Variants in NAV3 observed in about 807,000 individuals in gnomAD.
The protein encoded by NAV3 is pore membrane and/or filament interacting like protein 1.
A neutral mutation model predicts 244.7 loss-of-function variants in NAV3; 87 were observed. The ratio of observed to expected loss-of-function variants is 0.36; its 90% confidence interval spans 0.30 to 0.42. The LOEUF is 0.42. NAV3 is among the 20% of genes least tolerant of loss of function. The probability of loss-of-function intolerance (pLI) is 1.00; values close to 1 mark genes in which losing one functional copy is unlikely to be tolerated. For missense variants in NAV3, 2,663 were observed against 2,893.3 expected, an observed-to-expected ratio of 0.92 and a Z score of 1.83; for synonymous variants, 1,126 against 1,042.2, an observed-to-expected ratio of 1.08 and a Z score of -1.55.
intron 2 of NAV3, among the ~76,000 whole-genome samples, chr12:77,694,919 C>T (rs1875224745): frequency 6.6e-6 from 1 of 152,140 alleles, no homozygotes; most frequent in African/African-American, 2.4e-5. Flanking sequence ...TATAGGAACT[C>T]AGGGACACAG....
At chr12:78,008,170 G>C (rs1343654787) in intron 8 of NAV3, among the ~76,000 whole-genome samples, 7 of 151,728 alleles carry the variant, frequency 4.6e-5, no homozygotes, top group Admixed American at 4.6e-4. Context: ...CTAGGTAAAA[G>C]GGGTTACATA....
At chr12:77,963,371 A>G (rs917011950) in intron 3 of NAV3, among the ~76,000 whole-genome samples, 1 of 152,162 alleles carries the variant, frequency 6.6e-6, no homozygotes, top group African/African-American at 2.4e-5. Context: ...GAAAGTGACC[A>G]TATAAATGGC....
chr12:78,004,475 T>C (rs974307882), intron 7 of NAV3, among the ~76,000 whole-genome samples: 4 of 152,226 alleles, frequency 2.6e-5, no homozygotes, highest in African/African-American at 7.2e-5. Flanking sequence ...CCTTTAAATA[T>C]GTGCATTAGA....
intron 18 of NAV3, among the ~76,000 whole-genome samples, chr12:78,131,756 C>A (rs951209891): frequency 6.6e-6 from 1 of 151,984 alleles, no homozygotes; most frequent in African/African-American, 2.4e-5. Context: ...TACATAATAC[C>A]TAGGTTATAT....
At chr12:77,857,910 A>T (rs1878638876) in intron 1 of NAV3, among the ~76,000 whole-genome samples, 1 of 152,028 alleles carries the variant, frequency 6.6e-6, no homozygotes, top group South Asian at 2.1e-4. Context: ...TTTTGTTTGC[A>T]TATTTGTTAC....
intron 12 of NAV3, among the ~76,000 whole-genome samples, chr12:78,084,489 C>T (rs1438532531): frequency 6.6e-6 from 1 of 152,068 alleles, no homozygotes; most frequent in Non-Finnish European, 1.5e-5. Flanking sequence ...CCCATCAGCA[C>T]ACCAACATTT....
intron 3 of NAV3, among the ~76,000 whole-genome samples, chr12:77,961,732 T>C (rs1043045186): frequency 2.7e-5 from 4 of 148,864 alleles, no homozygotes; most frequent in Non-Finnish European, 5.9e-5. Context: ...ATATGTAATA[T>C]ATGATTAAAG....
chr12:77,859,582 A>G (rs1878899585), intron 1 of NAV3, among the ~76,000 whole-genome samples: 1 of 151,114 alleles, frequency 6.6e-6, no homozygotes, highest in East Asian at 2.0e-4. Flanking sequence ...ACTAACCTGC[A>G]CAATGTGCAC....
chr12:78,007,580 C>T, intron 8 of NAV3, 135 bp downstream of exon 8: 2 of 949,382 alleles, frequency 2.1e-6, no homozygotes, highest in Non-Finnish European at 3.0e-6. Context: ...AAGATAGAGG[C>T]CTAGAATTCA....
chr12:77,673,774 A>G (rs902248122), intron 2 of NAV3, among the ~76,000 whole-genome samples: 1 of 152,126 alleles, frequency 6.6e-6, no homozygotes, highest in Non-Finnish European at 1.5e-5. Context: ...ATAAACTGTA[A>G]AATACCTATA....
chr12:78,175,193 A>G, intron 24 of NAV3, 113 bp from the exon 25 acceptor site: 1 of 1,176,854 alleles, frequency 8.5e-7, no homozygotes, highest in South Asian at 1.5e-5. Flanking sequence ...AATTATCTGT[A>G]CAAAGCCTTG....
In NAV3 at chr12:78,118,007, T is replaced by G. The variant is rs748614791; in HGVS notation, c.2770-20T>G. ...TAAATTTTTCTACATAAAGTTTTTC[T>G]GTAATATTTGTCTTTATAGCTGAGG... On this transcript the variant is annotated intron_variant, in intron 13 of 39. Coordinates refer to ENST00000397909, the MANE Select transcript of NAV3 (RefSeq NM_001024383.2). 3.3e-6 allele frequency: 5 copies of G among 1,533,434 alleles called. No individual in the cohort carries two copies. Among genetic ancestry groups the G allele is most frequent in the South Asian group, 2.5e-5 (2 of 79,150 alleles). The allele number at this position is 1,533,434 out of a possible 1,614,324, so 95.0% of individuals were successfully genotyped here. A position where few individuals can be genotyped will look rare whatever the true frequency, so the allele number is the denominator to read the frequency against.
intron 1 of NAV3, among the ~76,000 whole-genome samples, chr12:77,860,484 C>A (rs1194765441): frequency 2.0e-5 from 3 of 151,358 alleles, no homozygotes; most frequent in African/African-American, 7.3e-5. Context: ...AATTAGCAAA[C>A]CTCTATTAAA....
intron 31 of NAV3, among the ~76,000 whole-genome samples, chr12:78,186,820 G>A (rs1330297170): frequency 6.6e-6 from 1 of 151,826 alleles, no homozygotes; most frequent in Non-Finnish European, 1.5e-5. Context: ...TAAGATCAAG[G>A]TGCTAGCTGA....
At chr12:78,181,676 A>T (rs1958503940) in intron 30 of NAV3, among the ~76,000 whole-genome samples, 1 of 152,080 alleles carries the variant, frequency 6.6e-6, no homozygotes, top group Non-Finnish European at 1.5e-5. Context: ...GAATCATTTC[A>T]AGGATAGAGA....
chr12:78,114,901 C>G (rs959081029), intron 12 of NAV3, among the ~76,000 whole-genome samples: 1 of 152,102 alleles, frequency 6.6e-6, no homozygotes, highest in Non-Finnish European at 1.5e-5. Flanking sequence ...GCATTATGCT[C>G]TCAGCAGCTA....
intron 2 of NAV3, among the ~76,000 whole-genome samples, chr12:77,580,221 C>A (rs78460694): frequency 5.5e-3 from 147 of 26,866 alleles, no homozygotes; most frequent in Non-Finnish European, 9.4e-3. Context: ...AGGGTGGGAA[C>A]ACACACACAC....
At chr12:77,715,352 GCTTT>G (rs1478467335) in intron 2 of NAV3, among the ~76,000 whole-genome samples, 6 of 151,396 alleles carry the variant, frequency 4.0e-5, no homozygotes, top group African/African-American at 1.5e-4. Flanking sequence ...TTAAAACTAT[GCTTT>G]CTATGTCTTT....
intron 2 of NAV3, among the ~76,000 whole-genome samples, chr12:77,710,616 A>G (rs1592606112): frequency 6.6e-6 from 1 of 152,204 alleles, no homozygotes; most frequent in African/African-American, 2.4e-5. Context: ...TGGCATAATC[A>G]TTATTTAATT....
Sources: allele counts gnomAD v4.1 joint callset (sites outside exome capture counted in the v4.1 genomes callset), GRCh38; gene constraint gnomAD v4.1.1; transcripts MANE v1.5; gene names NCBI Gene and HGNC (gene_info 2026-07-23, HGNC 2026-07-21).